The following DOCK6 variants were observed in gnomAD, a reference collection of about 807,000 sequenced individuals.
DOCK6 encodes dedicator of cytokinesis protein 6.
A neutral mutation model predicts 230.3 loss-of-function variants in DOCK6; 167 were observed. That is an observed-to-expected ratio of 0.73 (90% CI 0.64 to 0.82). The LOEUF (loss-of-function observed/expected upper bound fraction) is 0.82. DOCK6 is among the 40% of genes least tolerant of loss of function. The pLI, the probability that DOCK6 is intolerant of heterozygous loss-of-function variation, is 0.00. For missense variants in DOCK6, 2,598 were observed against 2,825.8 expected, an observed-to-expected ratio of 0.92 and a Z score of 1.83; for synonymous variants, 1,148 against 1,185.0, an observed-to-expected ratio of 0.97 and a Z score of 0.64.
chr19:11,231,777 C>A (rs2079769310), intron 22 of DOCK6, among the ~76,000 whole-genome samples: 1 of 152,124 alleles, frequency 6.6e-6, no homozygotes, highest in Admixed American at 6.6e-5. Flanking sequence ...TGGAAAGAGG[C>A]AGGGTAAGGG....
Position 11,236,462 on chromosome 19 carries a change from G to A in DOCK6, c.2276C>T (p.Ala759Val). 1 of 1,594,098 alleles carries A rather than the reference G, an allele frequency of 6.3e-7. No individual in the cohort carries two copies. Among genetic ancestry groups the A allele is most frequent in the Non-Finnish European group, 8.5e-7 (1 of 1,171,074 alleles). ...GGCCAGGCGCAGTGCTGCAAGACTG[G>A]CCCGCAGCTCCTGCTCCACGTTGCC... ...SEGNVEQELR[A>V]SLAALRLASP... The change falls in exon 20 of 48, where the codon GCC becomes GTC. Residue 759 changes from alanine (A) to valine (V), a missense_variant. Coordinates refer to ENST00000294618, the MANE Select transcript of DOCK6 (RefSeq NM_020812.4). The surrounding 1 kb of genome is among the most constrained non-coding windows in gnomAD (Gnocchi z 5.2).
chr19:11,243,977 C>A lies in DOCK6; in HGVS notation c.1024-95G>T. 1 of 1,328,120 alleles carries A rather than the reference C, an allele frequency of 7.5e-7. No homozygotes were observed. The highest frequency in any genetic ancestry group is 2.0e-5 in the Admixed American group (1 of 50,588). 82.3% of individuals were successfully genotyped at this position (1,328,120 alleles called of 1,614,324 possible). A position where few individuals can be genotyped will look rare whatever the true frequency, so the allele number is the denominator to read the frequency against. On this transcript the variant is annotated intron_variant, in intron 9 of 47. Coordinates refer to ENST00000294618, the MANE Select transcript of DOCK6 (RefSeq NM_020812.4). The surrounding 1 kb of genome is among the most constrained non-coding windows in gnomAD (Gnocchi z 6.3). ...GCCTCCTGGACCCCTCATGGGCCCTCGGACACTCCTAACATATGAAGGCCT... is the reference window on the plus strand; with the variant it reads ...GCCTCCTGGACCCCTCATGGGCCCTAGGACACTCCTAACATATGAAGGCCT...
In DOCK6 at chr19:11,236,956, G is replaced by A. The variant is rs967139658; in HGVS notation, c.2074-77C>T. The A allele has an allele frequency of 4.2e-6, 6 of 1,430,672 alleles. No individual in the cohort carries two copies. In the Admixed American group the frequency reaches 8.3e-5, roughly 20 times the overall value. The allele number at this position is 1,430,672 out of a possible 1,614,324, so 88.6% of individuals were successfully genotyped here. A position where few individuals can be genotyped will look rare whatever the true frequency, so the allele number is the denominator to read the frequency against. ...AGGTCACCCAGCGGCCCCAGCCATTGCGACACTGCAGCGTGAGTGTAGCCC... is the reference window on the plus strand; with the variant it reads ...AGGTCACCCAGCGGCCCCAGCCATTACGACACTGCAGCGTGAGTGTAGCCC... On this transcript the variant is annotated intron_variant, in intron 18 of 47. Transcript: ENST00000294618. This position sits in a 1 kb window ranked among gnomAD's most constrained non-coding sequence, Gnocchi z 5.2.
At position 11,211,832 on chromosome 19, in the gene DOCK6, C is replaced by T. The variant is rs372314691; in HGVS notation, c.4695G>A (p.Thr1565=). ...MFNLHMILTD[T]VKMKEHQEDP... The stretch of plus-strand genomic sequence containing the variant: ...CCTCCTGGTGTTCCTTCATCTTCAC[C>T]GTGTCCGTCAGGATCATGTGCAGGT... The change falls in exon 37 of 48, where the codon ACG becomes ACA. Residue 1565 remains threonine (T), a synonymous_variant. Transcript: ENST00000294618. 87 of 1,552,342 alleles carry T rather than the reference C, an allele frequency of 5.6e-5. No homozygotes were observed. The highest frequency in any genetic ancestry group is 7.1e-5 in the Non-Finnish European group (81 of 1,147,364).
chr19:11,255,855 C>T (rs576014662), intron 1 of DOCK6, among the ~76,000 whole-genome samples: 22 of 152,254 alleles, frequency 1.4e-4, no homozygotes, highest in African/African-American at 4.1e-4. Flanking sequence ...GGCGCAATCT[C>T]GGCTCACTGC....
At chr19:11,209,751 C>A (rs1374966389) in intron 37 of DOCK6, among the ~76,000 whole-genome samples, 1 of 100,004 alleles carries the variant, frequency 1.0e-5, no homozygotes, top group East Asian at 3.0e-4. Context: ...CACCCCCTCA[C>A]CTGTCCACCC....
Position 11,204,190 on chromosome 19 carries a change from C to G in DOCK6, c.5220+10G>C, listed in dbSNP as rs769999621. ...GAGGGTGGGGTCTGGGGAGGGGGTC[C>G]TGGGCCCACCTGGTGCATGATCTTG... On this transcript the variant is annotated intron_variant, in intron 40 of 47. Coordinates refer to ENST00000294618, the MANE Select transcript of DOCK6 (RefSeq NM_020812.4). 90 of 1,549,950 alleles carry G rather than the reference C, an allele frequency of 5.8e-5. 3 individuals are homozygous for G. The South Asian group carries it at 7.8e-4, about 14-fold the overall frequency.
Position 11,236,236 on chromosome 19 carries a change from T to C in DOCK6, c.2392+110A>G. On this transcript the variant is annotated intron_variant, in intron 20 of 47. Transcript: ENST00000294618. This position sits in a 1 kb window ranked among gnomAD's most constrained non-coding sequence, Gnocchi z 5.2. The stretch of plus-strand genomic sequence containing the variant: ...AGGGGACTGGAGGTCATTTTTCAGA[T>C]GAGAAAAATGGCCAGAGAGGTAAAT... 3 of 1,070,990 alleles carry C rather than the reference T, an allele frequency of 2.8e-6. No individual in the cohort carries two copies. Among genetic ancestry groups the C allele is most frequent in the Non-Finnish European group, 2.6e-6 (2 of 755,042 alleles). 66.3% of individuals were successfully genotyped at this position (1,070,990 alleles called of 1,614,324 possible).
chr19:11,231,977 A>G (rs763100684), intron 22 of DOCK6, among the ~76,000 whole-genome samples: 57 of 152,132 alleles, frequency 3.7e-4, no homozygotes, highest in Non-Finnish European at 7.9e-4. Flanking sequence ...TCTCCATCTG[A>G]GACTGTGGCC....
Position 11,236,191 on chromosome 19 carries a change from A to C in DOCK6, c.2392+155T>G. 1.3e-6 allele frequency: 1 copy of C among 779,108 alleles called. No homozygotes were observed. The highest frequency in any genetic ancestry group is 2.9e-5 in the Admixed American group (1 of 34,460). 48.3% of individuals were successfully genotyped at this position (779,108 alleles called of 1,614,324 possible). The stretch of plus-strand genomic sequence containing the variant: ...CGCTGCACCCGGGCCAAAGGGTCAC[A>C]GAAGACCTTCTCTGGGTGCAGGGGA... On this transcript the variant is annotated intron_variant, in intron 20 of 47. Transcript: ENST00000294618. The surrounding 1 kb of genome is among the most constrained non-coding windows in gnomAD (Gnocchi z 5.2).
chr19:11,229,884 A>T lies in DOCK6; in HGVS notation c.2719-849T>A, dbSNP rs563424506. Among the ~76,000 whole-genome samples, 367 of 151,488 alleles carry T rather than the reference A, an allele frequency of 2.4e-3. 2 individuals are homozygous for T. The highest frequency in any genetic ancestry group is 8.3e-3 in the African/African-American group (342 of 41,228). Reference sequence around the variant, plus strand: ...AGACAAAAACAAACAAACAAACAAAAATATATATATATGGCTGGGCCTGGT... The same window carrying T: ...AGACAAAAACAAACAAACAAACAAATATATATATATATGGCTGGGCCTGGT... On this transcript the variant is annotated intron_variant, in intron 22 of 47. Transcript: ENST00000294618.
At chr19:11,248,186 G>A (rs1301983479) in intron 6 of DOCK6, 35 bp from the exon 7 acceptor site, 2 of 1,501,812 alleles carry the variant, frequency 1.3e-6, no homozygotes, top group African/African-American at 2.7e-5. Context: ...TGGGCGGGAG[G>A]AGCTGGGACA....
At position 11,212,818 on chromosome 19, in the gene DOCK6, G is replaced by C. The variant is rs367764995; in HGVS notation, c.4491+358C>G. Among the ~76,000 whole-genome samples the C allele has an allele frequency of 5.0e-4, 75 of 149,964 alleles. 1 individual carries two copies. The South Asian group carries it at 0.013, about 25-fold the overall frequency. On this transcript the variant is annotated intron_variant, in intron 35 of 47. Coordinates refer to ENST00000294618, the MANE Select transcript of DOCK6 (RefSeq NM_020812.4). The stretch of plus-strand genomic sequence containing the variant: ...GACTTCAAGTGATCCACCTGCCTCA[G>C]CTTCCCAAAGTGCTGAGATTACAGG...
chr19:11,239,782 C>A (rs1159874148), intron 14 of DOCK6: 1 of 1,610,124 alleles, frequency 6.2e-7, no homozygotes, highest in Non-Finnish European at 8.5e-7. Context: ...GGGCCAGGCC[C>A]TCAACGGTGT....
At chr19:11,209,757 C>T (rs2079335872) in intron 37 of DOCK6, among the ~76,000 whole-genome samples, 1 of 90,180 alleles carries the variant, frequency 1.1e-5, no homozygotes, top group African/African-American at 3.9e-5. Context: ...CTCACCTGTC[C>T]ACCCCCTCAC....
intron 34 of DOCK6, among the ~76,000 whole-genome samples, 178 bp downstream of exon 34, chr19:11,214,097 A>AT (rs2079438393): frequency 6.7e-6 from 1 of 149,118 alleles, no homozygotes; most frequent in Non-Finnish European, 1.5e-5. Flanking sequence ...CTAATTTTTA[A>AT]TTTTTTTGTA....
At chr19:11,237,163 T>A in intron 18 of DOCK6, 1 of 589,396 alleles carries the variant, frequency 1.7e-6, no homozygotes, top group East Asian at 2.8e-5. Flanking sequence ...CTAGGGTCAT[T>A]AACAATGGTG....
Position 11,245,866 on chromosome 19 carries a change from T to A in DOCK6, c.819A>T (p.Glu273Asp). ...CCAAGATCCCAAAGATGGGCTCAAT[T>A]TCAATCTCGAACCTACAAGTAAATG... ...VKCLSLKFEI[E>D]IEPIFGILAL... The change falls in exon 8 of 48, where the codon GAA (glutamate) becomes GAT (aspartate). Residue 273 changes from glutamate to aspartate, a missense_variant. By Grantham distance (45) the Glu-to-Asp change is conservative. Transcript: ENST00000294618. The A allele has an allele frequency of 6.4e-7, 1 of 1,564,730 alleles. No individual in the cohort carries two copies. The highest frequency in any genetic ancestry group is 8.7e-7 in the Non-Finnish European group (1 of 1,154,210).
rs757890876 is a variant in DOCK6 at position 11,208,843 on chromosome 19, G to A, written c.4945-14C>T. ...GGATGAGATGTTCTGGGGTGGGAGA[G>A]GTGGCGTCAGACCCTGGTCCCCACT... On this transcript the variant is annotated splice_polypyrimidine_tract_variant and intron_variant, in intron 38 of 47. Transcript: ENST00000294618. 3 of 1,609,184 alleles carry A rather than the reference G, an allele frequency of 1.9e-6. No homozygotes were observed. Among genetic ancestry groups the A allele is most frequent in the Non-Finnish European group, 2.6e-6 (3 of 1,176,024 alleles).
Sources: allele counts gnomAD v4.1 joint callset (sites outside exome capture counted in the v4.1 genomes callset), GRCh38; gene constraint gnomAD v4.1.1; non-coding constraint Gnocchi (gnomAD v3.1); transcripts MANE v1.5; gene names NCBI Gene and HGNC (gene_info 2026-07-23, HGNC 2026-07-21).